The following CACNA2D3 variants were observed in gnomAD, a reference collection of about 807,000 sequenced individuals.
CACNA2D3 encodes the protein voltage-dependent calcium channel subunit alpha-2/delta-3.
CACNA2D3 carries 60 observed loss-of-function variants against 160.6 expected under a neutral mutation model. That is an observed-to-expected ratio of 0.37 (90% CI 0.30 to 0.46). The LOEUF is 0.46. Ranked by LOEUF, CACNA2D3 falls within the 20% of genes least tolerant of loss-of-function variation. CACNA2D3 has a pLI of 1.00. For synonymous variants in CACNA2D3, 558 were observed against 492.9 expected, an observed-to-expected ratio of 1.13 and a Z score of -1.75; for missense variants, 1,205 against 1,365.0, an observed-to-expected ratio of 0.88 and a Z score of 1.85.
intron 9 of CACNA2D3, among the ~76,000 whole-genome samples, chr3:54,617,067 G>C (rs1487845314): frequency 6.6e-6 from 1 of 152,130 alleles, no homozygotes; most frequent in Admixed American, 6.6e-5. Context: ...CCTGGGAAAA[G>C]CTACCATTTT....
chr3:55,026,001 G>A (rs1483364265), intron 35 of CACNA2D3, among the ~76,000 whole-genome samples: 1 of 151,814 alleles, frequency 6.6e-6, no homozygotes, highest in Non-Finnish European at 1.5e-5. Flanking sequence ...TGTCCAAACT[G>A]TAAGTTTGCA....
At chr3:55,018,944 G>GA in intron 35 of CACNA2D3, among the ~76,000 whole-genome samples, 1 of 141,406 alleles carries the variant, frequency 7.1e-6, no homozygotes, top group African/African-American at 2.6e-5. Context: ...CTTTACAGAT[G>GA]CCTTTTTTTT....
chr3:54,688,431 G>C (rs1700509562), intron 11 of CACNA2D3, among the ~76,000 whole-genome samples: 1 of 151,940 alleles, frequency 6.6e-6, no homozygotes, highest in South Asian at 2.1e-4. Flanking sequence ...AGGAAGGAAG[G>C]ATAAAGGGAG....
chr3:54,852,309 C>G (rs1042332580), intron 17 of CACNA2D3, among the ~76,000 whole-genome samples: 2 of 152,262 alleles, frequency 1.3e-5, no homozygotes, highest in South Asian at 4.1e-4. Flanking sequence ...GCCATCTAGA[C>G]TTCCGCAGAC....
intron 3 of CACNA2D3, among the ~76,000 whole-genome samples, chr3:54,385,602 C>T (rs1034761211): frequency 2.0e-5 from 3 of 152,112 alleles, no homozygotes; most frequent in South Asian, 4.2e-4. Flanking sequence ...TGTCCTGTGG[C>T]GAAAGTGGGC....
intron 3 of CACNA2D3, among the ~76,000 whole-genome samples, chr3:54,343,711 G>A (rs1454808795): frequency 6.6e-6 from 1 of 152,176 alleles, no homozygotes; most frequent in Admixed American, 6.5e-5. Context: ...CCCCAGTGGA[G>A]AGTTGGAATT....
chr3:54,603,260 C>T (rs77128771), intron 9 of CACNA2D3, among the ~76,000 whole-genome samples: 1 of 152,212 alleles, frequency 6.6e-6, no homozygotes, highest in Admixed American at 6.5e-5. Flanking sequence ...TGCCCCCCAC[C>T]ACCTCCTCCT....
chr3:54,622,924 C>T (rs779477008), intron 9 of CACNA2D3, among the ~76,000 whole-genome samples: 4 of 152,084 alleles, frequency 2.6e-5, no homozygotes, highest in Non-Finnish European at 5.9e-5. Context: ...CTAGCACAGG[C>T]GCGGTAAACC....
intron 2 of CACNA2D3, among the ~76,000 whole-genome samples, chr3:54,128,545 A>G (rs1015333584): frequency 2.6e-5 from 4 of 152,182 alleles, no homozygotes; most frequent in Non-Finnish European, 4.4e-5. Context: ...AGGAGCCTGT[A>G]TTTCAGGCCT....
At chr3:54,289,467 A>G (rs1261120488) in intron 2 of CACNA2D3, among the ~76,000 whole-genome samples, 1 of 152,158 alleles carries the variant, frequency 6.6e-6, no homozygotes, top group Non-Finnish European at 1.5e-5. Flanking sequence ...AATATCGTGA[A>G]AATGGCCATA....
At chr3:54,280,492 C>G (rs1702851987) in intron 2 of CACNA2D3, among the ~76,000 whole-genome samples, 1 of 152,040 alleles carries the variant, frequency 6.6e-6, no homozygotes, top group Non-Finnish European at 1.5e-5. Flanking sequence ...CATTAAAGTT[C>G]TAATGTAGTG....
chr3:54,140,446 A>G (rs1699902329), intron 2 of CACNA2D3, among the ~76,000 whole-genome samples: 1 of 152,108 alleles, frequency 6.6e-6, no homozygotes, highest in Admixed American at 6.5e-5. Flanking sequence ...CACTCGCCCC[A>G]CTTTCTCTCA....
chr3:54,547,371 A>C (rs1006757434), intron 5 of CACNA2D3, among the ~76,000 whole-genome samples: 1 of 152,158 alleles, frequency 6.6e-6, no homozygotes, highest in African/African-American at 2.4e-5. Context: ...ATGTCCATCA[A>C]AACCACCTCA....
chr3:54,637,306 G>T (rs1198595451), intron 10 of CACNA2D3, among the ~76,000 whole-genome samples: 6 of 151,802 alleles, frequency 4.0e-5, no homozygotes, highest in Non-Finnish European at 7.4e-5. Context: ...TCACCAAGGA[G>T]GGAGTAGACG....
At position 54,806,948 on chromosome 3, in the gene CACNA2D3, T is replaced by G. The variant is rs553032684; in HGVS notation, c.1381-9905T>G. Among the ~76,000 whole-genome samples, 5 of 152,262 alleles carry G rather than the reference T, an allele frequency of 3.3e-5. No individual in the cohort carries two copies. The South Asian group carries it at 1.0e-3, about 32-fold the overall frequency. On this transcript the variant is annotated intron_variant, in intron 13 of 37. Coordinates refer to ENST00000474759, the MANE Select transcript of CACNA2D3 (RefSeq NM_018398.3). The stretch of plus-strand genomic sequence containing the variant: ...TGACAAACCTGAGAAAAATAAGCAA[T>G]GGGGAAAGGAATCCCTACTTAATAA...
chr3:54,965,143 G>A (rs1409811604), intron 27 of CACNA2D3, among the ~76,000 whole-genome samples: 1 of 152,190 alleles, frequency 6.6e-6, no homozygotes, highest in Admixed American at 6.5e-5. Flanking sequence ...TGCTATTGGA[G>A]TCATAGACAG....
intron 11 of CACNA2D3, among the ~76,000 whole-genome samples, chr3:54,715,786 ACT>A (rs980548637): frequency 2.6e-5 from 4 of 152,140 alleles, no homozygotes; most frequent in African/African-American, 7.2e-5. Context: ...AAAGAGGGAA[ACT>A]CTGCCATTTG....
intron 4 of CACNA2D3, among the ~76,000 whole-genome samples, chr3:54,463,936 C>T (rs189682623): frequency 1.3e-4 from 20 of 152,274 alleles, no homozygotes; most frequent in Admixed American, 1.3e-3. Flanking sequence ...TGGCGATGTA[C>T]AGATGGGATT....
chr3:54,584,890 G>T (rs1702733969), intron 9 of CACNA2D3, among the ~76,000 whole-genome samples: 1 of 152,124 alleles, frequency 6.6e-6, no homozygotes, highest in Non-Finnish European at 1.5e-5. Context: ...TGAAAGAAAA[G>T]AACTGCCAAC....
Sources: gnomAD v4.1 joint callset for allele counts (sites outside exome capture counted in the v4.1 genomes callset) on GRCh38, gnomAD v4.1.1 for gene constraint, MANE v1.5 for transcripts, NCBI Gene and HGNC (gene_info 2026-07-23, HGNC 2026-07-21) for gene names.